The following LRG1 variants were observed in gnomAD, a reference collection of about 807,000 sequenced individuals.
The protein encoded by LRG1 is leucine rich alpha-2-glycoprotein 1.
Under a neutral mutation model 2.4 loss-of-function variants are expected in LRG1, and 1 was observed. That is an observed-to-expected ratio of 0.41 (90% confidence interval 0.15 to 1.95). The LOEUF is 1.95. Among genes scored for constraint, LRG1 ranks in the 30% most tolerant of loss-of-function variants. The pLI, the probability that LRG1 is intolerant of heterozygous loss-of-function variation, is 0.30. For missense variants in LRG1, 425 were observed against 436.9 expected (o/e 0.97, Z 0.24); for synonymous variants, 226 against 210.6 (o/e 1.07, Z -0.63).
In LRG1 at chr19:4,537,727, C is replaced by T; in HGVS notation, c.*213G>A. ...GGACTACAGGTGCCCACCACCACGC[C>T]TGGCTAATTTTTTATATTTTTAGTA... On this transcript the variant is annotated 3_prime_UTR_variant, in exon 2 of 2. Coordinates refer to ENST00000306390, the MANE Select transcript of LRG1 (RefSeq NM_052972.3). 1.8e-6 allele frequency: 1 copy of T among 552,002 alleles called. No homozygotes were observed. The allele number at this position is 552,002 out of a possible 1,614,324, so 34.2% of individuals were successfully genotyped here.
At chr19:4,539,441 T>A (rs561055845) in intron 1 of LRG1, among the ~76,000 whole-genome samples, 126 of 152,340 alleles carry the variant, frequency 8.3e-4, no homozygotes, top group Admixed American at 1.8e-3. Context: ...GGTCTTTTTG[T>A]CCACTCTTGA....
At position 4,538,602 on chromosome 19, in the gene LRG1, G is replaced by T; in HGVS notation, c.382C>A (p.Leu128Met). ...AAGAGGCCCGGGGGCAGCCCGGTCA[G>T]GGCGTTTCGGGTTAGATCCAGCACC... ...LRVLDLTRNA[L>M]TGLPPGLFQA... Residue 128 changes from leucine (L) to methionine (M), a missense_variant, in exon 2 of 2, where the codon CTG (leucine) becomes ATG (methionine). Physicochemically the swap from Leu to Met is conservative, Grantham distance 15 (BLOSUM62 2). Coordinates refer to ENST00000306390, the MANE Select transcript of LRG1 (RefSeq NM_052972.3). The T allele has an allele frequency of 6.2e-7, 1 of 1,613,002 alleles. No individual in the cohort carries two copies. The highest frequency in any genetic ancestry group is 1.1e-5 in the South Asian group (1 of 91,076).
rs1161115862 is a variant in LRG1 at position 4,537,359 on chromosome 19, A to T, written c.*581T>A. ...GGCAGCCCCAGTGTGGCCAGGGCTC[A>T]GCTGGAAGGAAGGACAAGGGGCTGG... On this transcript the variant is annotated 3_prime_UTR_variant, in exon 2 of 2. Coordinates refer to ENST00000306390, the MANE Select transcript of LRG1 (RefSeq NM_052972.3). The T allele has an allele frequency of 6.5e-6, 1 of 153,074 alleles. No homozygotes were observed. The highest frequency in any genetic ancestry group is 2.4e-5 in the African/African-American group (1 of 41,452). The allele number at this position is 153,074 out of a possible 1,614,324, so 9.5% of individuals were successfully genotyped here. A position where few individuals can be genotyped will look rare whatever the true frequency, so the allele number is the denominator to read the frequency against.
rs971563821 is a variant in LRG1 at position 4,538,776 on chromosome 19, T to A, written c.208A>T (p.Thr70Ser). 5.6e-6 allele frequency: 9 copies of A among 1,606,412 alleles called. No individual in the cohort carries two copies. The highest frequency in any genetic ancestry group is 7.7e-6 in the Non-Finnish European group (9 of 1,174,072). Residue 70 changes from threonine to serine, a missense_variant, in exon 2 of 2, where the codon ACC (threonine) becomes TCC (serine). By Grantham distance (58) the Thr-to-Ser change is moderately conservative. Coordinates refer to ENST00000306390, the MANE Select transcript of LRG1 (RefSeq NM_052972.3). The part of the protein sequence containing the change: ...AEIPGYLPAD[T>S]VHLAVEFFNL... ...AAGAATTCCACGGCCAGGTGCACGGTGTCGGCTGGCAGGTAGCCGGGGATT... is the reference window on the plus strand; with the variant it reads ...AAGAATTCCACGGCCAGGTGCACGGAGTCGGCTGGCAGGTAGCCGGGGATT...
Position 4,537,967 on chromosome 19 carries a change from C to G in LRG1, c.1017G>C (p.Thr339=), listed in dbSNP as rs369032360. 2 of 1,611,978 alleles carry G rather than the reference C, an allele frequency of 1.2e-6. No individual in the cohort carries two copies. The highest frequency in any genetic ancestry group is 1.7e-6 in the Non-Finnish European group (2 of 1,178,712). ...CAGPEAVKGQ[T]LLAVAKSQ is the part of the protein sequence containing the mutation. ...ACTGGGACTTGGCCACTGCCAGGAG[C>G]GTCTGGCCCTTCACGGCTTCAGGCC... Residue 339 remains threonine, a synonymous_variant, in exon 2 of 2, where the codon ACG becomes ACC. Coordinates refer to ENST00000306390, the MANE Select transcript of LRG1 (RefSeq NM_052972.3).
rs113332839 is a variant in LRG1 at position 4,538,454 on chromosome 19, C to T, written c.530G>A (p.Arg177Gln). The stretch of plus-strand genomic sequence containing the variant: ...GGCCAGCAGCCCGGGGGGCAGTTTC[C>T]GGAGGCGGTTCCCAGACAGGTCCAG... ...GHLDLSGNRL[R>Q]KLPPGLLANF... Residue 177 changes from arginine to glutamine, a missense_variant, in exon 2 of 2, where the codon CGG becomes CAG. Coordinates refer to ENST00000306390, the MANE Select transcript of LRG1 (RefSeq NM_052972.3). 60 of 1,614,048 alleles carry T rather than the reference C, an allele frequency of 3.7e-5. 1 individual carries two copies. The African/African-American group carries it at 5.2e-4, about 14-fold the overall frequency.
rs947217181 is a variant in LRG1, at chr19:4,536,926, C to G, written c.*1014G>C. 2.1e-4 allele frequency: 32 copies of G among 152,368 alleles called. No homozygotes were observed. Among genetic ancestry groups the G allele is most frequent in the African/African-American group, 7.7e-4 (32 of 41,584 alleles). 9.4% of individuals were successfully genotyped at this position (152,368 alleles called of 1,614,324 possible). ...TCAGCATGACAAATCGTTTGGAGAC[C>G]TGGGCAATCTGGTTTAACTTAAACC... On this transcript the variant is annotated 3_prime_UTR_variant, in exon 2 of 2. Coordinates refer to ENST00000306390, the MANE Select transcript of LRG1 (RefSeq NM_052972.3).
chr19:4,538,738 G>A lies in LRG1; in HGVS notation c.246C>T (p.His82=). 6.2e-7 allele frequency: 1 copy of A among 1,602,674 alleles called. No individual in the cohort carries two copies. Among genetic ancestry groups the A allele is most frequent in the South Asian group, 1.1e-5 (1 of 90,874 alleles). The change falls in exon 2 of 2, where the codon CAC becomes CAT. Residue 82 remains histidine, a synonymous_variant. Transcript: ENST00000306390. The part of the protein sequence containing the change: ...HLAVEFFNLT[H]LPANLLQGAS... ...CGCCCTGGAGGAGGTTGGCTGGCAG[G>A]TGGGTCAGGTTGAAGAATTCCACGG...
intron 1 of LRG1, 67 bp downstream of exon 1, chr19:4,539,915 G>C: frequency 6.3e-7 from 1 of 1,586,552 alleles, no homozygotes. Context: ...GGGTTAGCTG[G>C]AATGTCCTGT....
At position 4,538,066 on chromosome 19, in the gene LRG1, G is replaced by T. The variant is rs751236906; in HGVS notation, c.918C>A (p.Asn306Lys). The T allele has an allele frequency of 3.1e-6, 5 of 1,614,082 alleles. No individual in the cohort carries two copies. In the African/African-American group the frequency reaches 6.7e-5, roughly 22 times the overall value. ...GAAGCCAACGATAGAGGTCGCTCAG[G>T]TTCTGGTCACAGATCCAGGGGTTGC... ...ISGNPWICDQ[N>K]LSDLYRWLQA... The change falls in exon 2 of 2, where the codon AAC (asparagine) becomes AAA (lysine). Residue 306 changes from asparagine to lysine, a missense_variant. Asn to Lys is a moderately conservative substitution (Grantham distance 94). Transcript: ENST00000306390.
In LRG1 at chr19:4,539,991, C is replaced by T. The variant is rs115514161; in HGVS notation, c.23G>A (p.Arg8Gln). The T allele has an allele frequency of 1.8e-3, 2,858 of 1,614,124 alleles. 46 individuals carry two copies. The African/African-American group carries it at 0.032, about 18-fold the overall frequency. Residue 8 changes from arginine to glutamine, a missense_variant, in exon 1 of 2, where the codon CGA becomes CAA. Arg to Gln is a conservative substitution (Grantham distance 43). Transcript: ENST00000306390. ...TAGTGTGGGGACCTACCTTTTTGGTCGCTGTCTGCTCCAAGAGGACATGGT... is the reference window on the plus strand; with the variant it reads ...TAGTGTGGGGACCTACCTTTTTGGTTGCTGTCTGCTCCAAGAGGACATGGT... MSSWSRQ[R>Q]PKSPGGIQPH...
chr19:4,539,456 T>C (rs1195050815), intron 1 of LRG1, among the ~76,000 whole-genome samples: 1 of 152,212 alleles, frequency 6.6e-6, no homozygotes. Context: ...TCTTGACCAA[T>C]TGGGTGCTTG....
intron 1 of LRG1, 28 bp from the exon 2 acceptor site, chr19:4,538,979 TA>T (rs1486662570): frequency 2.4e-5 from 35 of 1,487,776 alleles, no homozygotes; most frequent in Non-Finnish European, 3.1e-5. Context: ...AGATGCTTAC[TA>T]AACCACAGTG....
Position 4,538,658 on chromosome 19 carries a change from G to A in LRG1, c.326C>T (p.Pro109Leu). ...LSSNGLESLS[P>L]EFLRPVPQLR... ...CTGCGGCACTGGCCGCAGGAATTCG[G>A]GCGAGAGGCTTTCCAGCCCATTGCT... The change falls in exon 2 of 2, where the codon CCC becomes CTC. Residue 109 changes from proline to leucine, a missense_variant. Coordinates refer to ENST00000306390, the MANE Select transcript of LRG1 (RefSeq NM_052972.3). 6.2e-7 allele frequency: 1 copy of A among 1,613,240 alleles called. No homozygotes were observed. Among genetic ancestry groups the A allele is most frequent in the Non-Finnish European group, 8.5e-7 (1 of 1,179,366 alleles).
Position 4,539,164 on chromosome 19 carries a change from G to A in LRG1, c.33-213C>T, listed in dbSNP as rs58407475. ...CCGACAGCTGCCAGAAGTGGCCCCT[G>A]TTCCAGGGAGAATTATAATTCTAGG... is the stretch of plus-strand genomic sequence containing the variant. On this transcript the variant is annotated intron_variant, in intron 1 of 1. Coordinates refer to ENST00000306390, the MANE Select transcript of LRG1 (RefSeq NM_052972.3). 350 of 403,498 alleles carry A rather than the reference G, an allele frequency of 8.7e-4. 4 individuals are homozygous for A. In the East Asian group the frequency reaches 0.013, roughly 15 times the overall value. 25.0% of individuals were successfully genotyped at this position (403,498 alleles called of 1,614,324 possible).
At position 4,539,987 on chromosome 19, in the gene LRG1, T is replaced by C. The variant is rs1466738378; in HGVS notation, c.27A>G (p.Pro9=). Residue 9 remains proline, a synonymous_variant, in exon 1 of 2, where the codon CCA becomes CCG. Coordinates refer to ENST00000306390, the MANE Select transcript of LRG1 (RefSeq NM_052972.3). The part of the protein sequence containing the change: MSSWSRQR[P]KSPGGIQPHV... ...CAGGTAGTGTGGGGACCTACCTTTT[T>C]GGTCGCTGTCTGCTCCAAGAGGACA... is the stretch of plus-strand genomic sequence containing the variant. 1.2e-6 allele frequency: 2 copies of C among 1,614,182 alleles called. No individual in the cohort carries two copies. The highest frequency in any genetic ancestry group is 1.7e-5 in the Admixed American group (1 of 60,014).
chr19:4,539,049 T>G, intron 1 of LRG1, 98 bp from the exon 2 acceptor site: 4 of 1,227,354 alleles, frequency 3.3e-6, no homozygotes, highest in Non-Finnish European at 4.4e-6. Context: ...TTCCCATCTC[T>G]GCGGCTACCA....
intron 1 of LRG1, among the ~76,000 whole-genome samples, chr19:4,539,767 C>T (rs112935382): frequency 7.9e-5 from 12 of 152,168 alleles, no homozygotes; most frequent in African/African-American, 2.4e-4. Flanking sequence ...CAAGAAGCCT[C>T]CCCCGGCTCC....
rs201337169 is a variant in LRG1 at position 4,538,013 on chromosome 19, T to G, written c.971A>C (p.Gln324Pro). The G allele has an allele frequency of 1.2e-5, 19 of 1,613,974 alleles. No homozygotes were observed. In the Middle Eastern group the frequency reaches 4.9e-4, roughly 42 times the overall value. Reference sequence around the variant, plus strand: ...AGGCCCAGCACAGCGCGTGTCATTCTGGGAAAACATCTTGTCTTTTTGGGC... The same window carrying G: ...AGGCCCAGCACAGCGCGTGTCATTCGGGGAAAACATCTTGTCTTTTTGGGC... Reference protein sequence around the residue: ...LQAQKDKMFSQNDTRCAGPEA... With the variant: ...LQAQKDKMFSPNDTRCAGPEA... The change falls in exon 2 of 2, where the codon CAG (glutamine) becomes CCG (proline). Residue 324 changes from glutamine (Q) to proline (P), a missense_variant. By Grantham distance (76) the Gln-to-Pro change is moderately conservative. Transcript: ENST00000306390.
Sources: gnomAD v4.1 joint callset for allele counts (sites outside exome capture counted in the v4.1 genomes callset) on GRCh38, gnomAD v4.1.1 for gene constraint, MANE v1.5 for transcripts, NCBI Gene and HGNC (gene_info 2026-07-23, HGNC 2026-07-21) for gene names.